Variants in TPRG1 observed in about 807,000 individuals in gnomAD.
The protein encoded by TPRG1 is tumor protein p63-regulated gene 1 protein.
A neutral mutation model predicts 29.3 loss-of-function variants in TPRG1; 29 were observed. The observed-to-expected ratio is 0.99, with a 90% CI of 0.74 to 1.35. The LOEUF (loss-of-function observed/expected upper bound fraction) is 1.35. TPRG1 is among the 40% of genes most tolerant of loss of function. The pLI is 0.00. For missense variants in TPRG1, 327 were observed against 335.0 expected (o/e 0.98, Z 0.19); for synonymous variants, 130 against 116.8 (o/e 1.11, Z -0.73).
intron 3 of TPRG1, among the ~76,000 whole-genome samples, chr3:189,237,070 G>A (rs1739602328): frequency 6.6e-6 from 1 of 152,156 alleles, no homozygotes; most frequent in Admixed American, 6.5e-5. Context: ...CCATAGAAAG[G>A]TTAAAAGTCC....
intron 4 of TPRG1, among the ~76,000 whole-genome samples, chr3:189,241,736 G>A (rs1274267155): frequency 6.6e-6 from 1 of 152,090 alleles, no homozygotes. Flanking sequence ...CTATTCTTGT[G>A]ATAATGAATA....
chr3:189,096,083 G>T (rs767697987), upstream of TPRG1, among the ~76,000 whole-genome samples: 1 of 152,192 alleles, frequency 6.6e-6, no homozygotes, highest in Non-Finnish European at 1.5e-5. Flanking sequence ...GTTTTCATGT[G>T]CACATTAATC....
intron 3 of TPRG1, among the ~76,000 whole-genome samples, chr3:189,147,154 C>T (rs1049093683): frequency 6.6e-6 from 1 of 152,192 alleles, no homozygotes; most frequent in Non-Finnish European, 1.5e-5. Flanking sequence ...ACACTATCTA[C>T]AGAAGGAAGA....
rs567919269 is a variant in TPRG1 at position 189,033,804 on chromosome 3, C to T, written c.-463+9858C>T. On this transcript the variant is annotated intron_variant, in intron 4 of 10. Coordinates refer to the TPRG1 transcript ENST00000433971. ...TGTTAGCCAGGATGGTTTTGATCTC[C>T]TGACCTCGTGATCCACCTGCCTCGG... 2.6e-5 allele frequency among the ~76,000 whole-genome samples: 4 copies of T among 152,112 alleles called. No homozygotes were observed. The East Asian group carries it at 7.8e-4, about 30-fold the overall frequency.
intron 1 of TPRG1, among the ~76,000 whole-genome samples, chr3:189,100,391 A>G (rs1486967628): frequency 3.3e-5 from 5 of 152,174 alleles, no homozygotes; most frequent in African/African-American, 1.2e-4. Flanking sequence ...TTCAAGGGTC[A>G]TCTCCAATCT....
chr3:189,290,800 G>A (rs996830048), intron 4 of TPRG1, among the ~76,000 whole-genome samples: 1 of 152,156 alleles, frequency 6.6e-6, no homozygotes, highest in Non-Finnish European at 1.5e-5. Context: ...CTGATGTTGG[G>A]GAGTTAGTTG....
intron 4 of TPRG1, among the ~76,000 whole-genome samples, chr3:189,068,154 A>G (rs2152149013): frequency 6.6e-6 from 1 of 152,320 alleles, no homozygotes; most frequent in South Asian, 2.1e-4. Flanking sequence ...ACTTTTATCC[A>G]AAAGAGGCAA....
intron 4 of TPRG1, among the ~76,000 whole-genome samples, chr3:189,255,058 T>C (rs7647306): frequency 0.032 from 4,851 of 152,280 alleles, 254 homozygotes; most frequent in African/African-American, 0.11. Flanking sequence ...TCCAATACTA[T>C]GTTGAATAGG....
intron 4 of TPRG1, among the ~76,000 whole-genome samples, chr3:189,028,108 C>T (rs1713753960): frequency 6.6e-6 from 1 of 152,082 alleles, no homozygotes; most frequent in African/African-American, 2.4e-5. Flanking sequence ...CTCAGGAAAC[C>T]CACATTCTGG....
intron 4 of TPRG1, among the ~76,000 whole-genome samples, chr3:189,261,038 T>C (rs529212012): frequency 4.9e-4 from 75 of 152,324 alleles, no homozygotes; most frequent in African/African-American, 1.6e-3. Context: ...ATCACTGTTA[T>C]AAGTGTGGTT....
In TPRG1 at chr3:189,320,659, A is replaced by G. The variant is rs764500110; in HGVS notation, c.667A>G (p.Ile223Val). Residue 223 changes from isoleucine to valine, a missense_variant, in exon 6 of 6, where the codon ATC becomes GTC. Ile to Val is a conservative substitution (Grantham distance 29, BLOSUM62 3). Transcript: ENST00000345063. ...GTTCATGTCTAAGCTTGTTCCAGCTATCCAGAATGCCCACAAGAATTCAAC... is the reference window on the plus strand; with the variant it reads ...GTTCATGTCTAAGCTTGTTCCAGCTGTCCAGAATGCCCACAAGAATTCAAC... Reference protein sequence around the residue: ...SGFMSKLVPAIQNAHKNSTGS... With the variant: ...SGFMSKLVPAVQNAHKNSTGS... The G allele has an allele frequency of 2.5e-6, 4 of 1,611,770 alleles. No homozygotes were observed. The highest frequency in any genetic ancestry group is 1.7e-4 in the Middle Eastern group (1 of 6,042).
At chr3:189,219,466 A>T in intron 3 of TPRG1, 1 of 542,292 alleles carries the variant, frequency 1.8e-6, no homozygotes, top group Non-Finnish European at 2.8e-6. Flanking sequence ...AAGACAGGAT[A>T]GTGTTTATTT....
chr3:189,225,677 T>C (rs1737618257), intron 3 of TPRG1, among the ~76,000 whole-genome samples: 1 of 151,424 alleles, frequency 6.6e-6, no homozygotes, highest in Non-Finnish European at 1.5e-5. Flanking sequence ...CATTGTCTTC[T>C]CTCTAAGGGG....
chr3:189,182,294 G>T (rs1162157880), intron 1 of TPRG1, among the ~76,000 whole-genome samples: 1 of 152,188 alleles, frequency 6.6e-6, no homozygotes, highest in Non-Finnish European at 1.5e-5. Flanking sequence ...TATCTGCAAT[G>T]AAGAACTCTT....
At chr3:189,151,305 A>G (rs1725906017) in intron 5 of TPRG1, among the ~76,000 whole-genome samples, 1 of 152,168 alleles carries the variant, frequency 6.6e-6, no homozygotes, top group Non-Finnish European at 1.5e-5. Context: ...ACTCACCAAT[A>G]TAGAAAAAGC....
At chr3:189,234,838 G>A (rs959830660) in intron 3 of TPRG1, among the ~76,000 whole-genome samples, 5 of 152,170 alleles carry the variant, frequency 3.3e-5, no homozygotes, top group African/African-American at 1.2e-4. Context: ...CCATAAGTGG[G>A]AAATATGTGT....
chr3:189,055,724 T>G (rs1359440363), intron 4 of TPRG1, among the ~76,000 whole-genome samples: 1 of 152,078 alleles, frequency 6.6e-6, no homozygotes, highest in African/African-American at 2.4e-5. Flanking sequence ...AGGAGTAAAA[T>G]TCCACCCAAA....
intron 5 of TPRG1, among the ~76,000 whole-genome samples, chr3:189,311,920 CAG>C (rs931325304): frequency 6.6e-6 from 1 of 151,902 alleles, no homozygotes; most frequent in Non-Finnish European, 1.5e-5. Context: ...TTCAGGGGGA[CAG>C]AGTGGGAGTT....
chr3:189,270,061 T>TTCTTC (rs1560629756), intron 4 of TPRG1, among the ~76,000 whole-genome samples: 15 of 132,134 alleles, frequency 1.1e-4, no homozygotes, highest in African/African-American at 4.1e-4. Flanking sequence ...TCTTCTTCTT[T>TTCTTC]TTTGTCTGTA....
Sources: allele counts gnomAD v4.1 joint callset (sites outside exome capture counted in the v4.1 genomes callset), GRCh38; gene constraint gnomAD v4.1.1; transcripts MANE v1.5; gene names NCBI Gene and HGNC (gene_info 2026-07-23, HGNC 2026-07-21).